The following STON2 variants were observed in gnomAD, a reference collection of about 807,000 sequenced individuals.
The protein encoded by STON2 is stonin-2.
In STON2, 29 loss-of-function variants were observed where a neutral mutation model predicts 65.7. The ratio of observed to expected loss-of-function variants is 0.44; its 90% confidence interval spans 0.33 to 0.60. The LOEUF is 0.60. Among genes scored for constraint, STON2 ranks in the 20% least tolerant of loss-of-function variants. The pLI is 0.03. For synonymous variants in STON2, 404 were observed against 414.2 expected (o/e 0.98, Z 0.30); for missense variants, 1,054 against 1,118.1 (o/e 0.94, Z 0.82).
intron 3 of STON2, among the ~76,000 whole-genome samples, chr14:81,383,755 C>T (rs1466486094): frequency 1.3e-5 from 2 of 152,180 alleles, no homozygotes; most frequent in Non-Finnish European, 2.9e-5. Context: ...TTCTCAGATA[C>T]ACCACTCTCA....
At chr14:81,346,269 G>A (rs1237832496) in intron 4 of STON2, among the ~76,000 whole-genome samples, 1 of 152,148 alleles carries the variant, frequency 6.6e-6, no homozygotes, top group Admixed American at 6.5e-5. Flanking sequence ...AGGTGCCCCT[G>A]AGGTAGTGAG....
intron 5 of STON2, among the ~76,000 whole-genome samples, chr14:81,295,682 C>A (rs570342167): frequency 6.6e-6 from 1 of 152,288 alleles, no homozygotes; most frequent in Admixed American, 6.5e-5. Context: ...CCAATGAAAA[C>A]GACTCAAGAT....
chr14:81,410,596 C>T (rs1310170472), intron 2 of STON2, among the ~76,000 whole-genome samples: 1 of 152,150 alleles, frequency 6.6e-6, no homozygotes, highest in Non-Finnish European at 1.5e-5. Flanking sequence ...ACACCACTGG[C>T]CAACCCTTGA....
At chr14:81,383,771 T>C (rs949022441) in intron 3 of STON2, among the ~76,000 whole-genome samples, 42 of 152,140 alleles carry the variant, frequency 2.8e-4, no homozygotes, top group African/African-American at 9.7e-4. Context: ...TCTCAACCGC[T>C]ACACCATAGC....
intron 4 of STON2, among the ~76,000 whole-genome samples, chr14:81,326,070 C>T (rs1240551900): frequency 1.3e-5 from 2 of 152,112 alleles, no homozygotes; most frequent in South Asian, 2.1e-4. Flanking sequence ...TTTTACAGAT[C>T]GAGAGAGCAA....
chr14:81,316,956 G>C lies in STON2; in HGVS notation c.742+7061C>G, dbSNP rs140300245. Among the ~76,000 whole-genome samples, 184 of 152,224 alleles carry C rather than the reference G, an allele frequency of 1.2e-3. 6 individuals are homozygous for C. In the East Asian group the frequency reaches 0.032, roughly 27 times the overall value. On this transcript the variant is annotated intron_variant, in intron 5 of 7. Transcript: ENST00000614646. ...AATGGCGTGAACCCGCGAGGCAGAGGTTGCAGTGAGCCGAGATCGCACCAC... is the reference window on the plus strand; with the variant it reads ...AATGGCGTGAACCCGCGAGGCAGAGCTTGCAGTGAGCCGAGATCGCACCAC...
chr14:81,340,213 A>G (rs1013946629), intron 4 of STON2, among the ~76,000 whole-genome samples: 1 of 152,156 alleles, frequency 6.6e-6, no homozygotes, highest in Non-Finnish European at 1.5e-5. Flanking sequence ...AACCCACTCA[A>G]TGAGTCCATG....
intron 4 of STON2, among the ~76,000 whole-genome samples, chr14:81,363,223 T>A (rs1288881225): frequency 6.6e-6 from 1 of 152,178 alleles, no homozygotes; most frequent in Non-Finnish European, 1.5e-5. Context: ...TACTTTTAAA[T>A]TGTGAAGATT....
chr14:81,415,406 A>T (rs996511632), intron 2 of STON2, among the ~76,000 whole-genome samples: 2 of 152,096 alleles, frequency 1.3e-5, no homozygotes, highest in African/African-American at 4.8e-5. Context: ...GAGACTGTTC[A>T]CAGACAATTC....
At chr14:81,283,197 G>T (rs1895192640) in intron 5 of STON2, among the ~76,000 whole-genome samples, 1 of 152,022 alleles carries the variant, frequency 6.6e-6, no homozygotes, top group African/African-American at 2.4e-5. Flanking sequence ...TTAATGTTAG[G>T]CCGCAATCTA....
intron 5 of STON2, among the ~76,000 whole-genome samples, chr14:81,303,625 G>A (rs1008474072): frequency 7.2e-5 from 11 of 152,166 alleles, no homozygotes; most frequent in Non-Finnish European, 1.2e-4. Context: ...GTCTGCTTCC[G>A]TTTGTCACCC....
At chr14:81,348,983 A>G (rs1477786194) in intron 4 of STON2, among the ~76,000 whole-genome samples, 4 of 152,232 alleles carry the variant, frequency 2.6e-5, no homozygotes, top group African/African-American at 9.6e-5. Context: ...AAGAACATAT[A>G]TTGGGGAAAG....
chr14:81,334,767 T>A (rs74066410), intron 4 of STON2, among the ~76,000 whole-genome samples: 2 of 152,066 alleles, frequency 1.3e-5, no homozygotes, highest in East Asian at 3.9e-4. Context: ...GAAAGAGAAA[T>A]GTCCTATCGT....
In STON2 at chr14:81,265,995, A is replaced by C. The variant is rs555330113; in HGVS notation, c.*2419T>G. ...AATTAATCTCAAAAGCCTTCAGTAC[A>C]ACAGGGGAAGAGATATGCGTTGAAA... On this transcript the variant is annotated 3_prime_UTR_variant, in exon 8 of 8. Transcript: ENST00000614646. 153 of 985,452 alleles carry C rather than the reference A, an allele frequency of 1.6e-4. No homozygotes were observed. The African/African-American group carries it at 2.5e-3, about 16-fold the overall frequency. The allele number at this position is 985,452 out of a possible 1,614,324, so 61.0% of individuals were successfully genotyped here. A position where few individuals can be genotyped will look rare whatever the true frequency, so the allele number is the denominator to read the frequency against.
chr14:81,390,523 C>T (rs1298400096), intron 3 of STON2, among the ~76,000 whole-genome samples: 1 of 152,150 alleles, frequency 6.6e-6, no homozygotes, highest in Non-Finnish European at 1.5e-5. Flanking sequence ...GGGATCGCGC[C>T]ACTGCACTCC....
intron 3 of STON2, among the ~76,000 whole-genome samples, chr14:81,383,807 T>C (rs988939667): frequency 6.6e-6 from 1 of 152,182 alleles, no homozygotes; most frequent in African/African-American, 2.4e-5. Flanking sequence ...ACAGAATTAC[T>C]GTTGAAACTC....
intron 4 of STON2, among the ~76,000 whole-genome samples, chr14:81,324,945 A>G (rs1896955311): frequency 6.6e-6 from 1 of 152,142 alleles, no homozygotes; most frequent in Non-Finnish European, 1.5e-5. Flanking sequence ...TTAACCCTAA[A>G]AATGTGCTTA....
intron 5 of STON2, among the ~76,000 whole-genome samples, chr14:81,294,664 G>T (rs1254914750): frequency 6.6e-6 from 1 of 151,884 alleles, no homozygotes; most frequent in East Asian, 1.9e-4. Context: ...GTATCCCTGG[G>T]GAAGATCCTG....
chr14:81,366,529 CTT>C, intron 4 of STON2, among the ~76,000 whole-genome samples: 1 of 152,162 alleles, frequency 6.6e-6, no homozygotes, highest in South Asian at 2.1e-4. Flanking sequence ...CCAAGGAACT[CTT>C]CAACCTCTAC....
Sources: allele counts gnomAD v4.1 joint callset (sites outside exome capture counted in the v4.1 genomes callset), GRCh38; gene constraint gnomAD v4.1.1; transcripts MANE v1.5; gene names NCBI Gene and HGNC (gene_info 2026-07-23, HGNC 2026-07-21).